Variants in ABTB3 observed in about 807,000 individuals in gnomAD.
ABTB3 encodes the protein ankyrin repeat and BTB domain containing 3.
chr12:107,574,977 T>C, the ABTB3 span, among the ~76,000 whole-genome samples: 1 of 152,314 alleles, frequency 6.6e-6, no homozygotes, highest in Middle Eastern at 3.4e-3. Flanking sequence ...ACCTCTACCA[T>C]CTTCCCGGCT....
At chr12:107,356,092 A>T in the ABTB3 span, among the ~76,000 whole-genome samples, 1 of 152,228 alleles carries the variant, frequency 6.6e-6, no homozygotes, top group Admixed American at 6.5e-5. Flanking sequence ...ATAACTCACA[A>T]TAAAAATGTT....
the ABTB3 span, among the ~76,000 whole-genome samples, chr12:107,537,227 G>A: frequency 1.3e-5 from 2 of 152,128 alleles, no homozygotes; most frequent in South Asian, 4.1e-4. Context: ...TAGAAGCCTG[G>A]AAGAGTAGCG....
At chr12:107,325,066 G>A in the ABTB3 span, among the ~76,000 whole-genome samples, 3 of 152,322 alleles carry the variant, frequency 2.0e-5, no homozygotes, top group South Asian at 2.1e-4. Context: ...GTAGGCACTC[G>A]ATAATAATGG....
the ABTB3 span, among the ~76,000 whole-genome samples, chr12:107,450,881 T>C: frequency 6.6e-6 from 1 of 152,272 alleles, no homozygotes; most frequent in African/African-American, 2.4e-5. Flanking sequence ...GGAAGTCTCT[T>C]CTGGCATGTG....
At chr12:107,585,949 G>T in the ABTB3 span, among the ~76,000 whole-genome samples, 2 of 152,184 alleles carry the variant, frequency 1.3e-5, no homozygotes, top group African/African-American at 4.8e-5. Flanking sequence ...CTTTTTCTGG[G>T]GTCAGGATAC....
chr12:107,554,197 T>G, the ABTB3 span, among the ~76,000 whole-genome samples: 1 of 152,240 alleles, frequency 6.6e-6, no homozygotes, highest in Admixed American at 6.5e-5. Flanking sequence ...TCTTTGATCC[T>G]AAATTGTTGC....
At chr12:107,605,432 G>A in the ABTB3 span, among the ~76,000 whole-genome samples, 1 of 152,236 alleles carries the variant, frequency 6.6e-6, no homozygotes, top group African/African-American at 2.4e-5. Flanking sequence ...GTCCTGCAGA[G>A]AGCCAGGGGA....
chr12:107,570,662 TTTC>T, the ABTB3 span, among the ~76,000 whole-genome samples: 1 of 152,288 alleles, frequency 6.6e-6, no homozygotes, highest in African/African-American at 2.4e-5. Flanking sequence ...TCCAAATACA[TTTC>T]TGATTTTGTA....
At chr12:107,590,871 G>T in the ABTB3 span, among the ~76,000 whole-genome samples, 2 of 152,092 alleles carry the variant, frequency 1.3e-5, no homozygotes, top group African/African-American at 4.8e-5. Context: ...GCCCACTCTT[G>T]AGTCTATTAA....
the ABTB3 span, among the ~76,000 whole-genome samples, chr12:107,515,615 T>A: frequency 2.1e-3 from 319 of 152,344 alleles, 2 homozygotes; most frequent in African/African-American, 7.2e-3. Context: ...ACTTAGCCTC[T>A]GACTTAATGT....
chr12:107,389,558 A>G, the ABTB3 span, among the ~76,000 whole-genome samples: 8 of 152,194 alleles, frequency 5.3e-5, no homozygotes, highest in Non-Finnish European at 1.2e-4. Flanking sequence ...GGCCTCCTCC[A>G]ACACTCCTGT....
At chr12:107,346,946 G>C in the ABTB3 span, among the ~76,000 whole-genome samples, 2 of 152,032 alleles carry the variant, frequency 1.3e-5, no homozygotes, top group Admixed American at 1.3e-4. Context: ...ACAAAACTGG[G>C]GTATTTTTAT....
At chr12:107,595,405 T>G in the ABTB3 span, among the ~76,000 whole-genome samples, 29 of 152,278 alleles carry the variant, frequency 1.9e-4, no homozygotes, top group Admixed American at 1.3e-3. Context: ...AAATGTGTAT[T>G]CAGAGTGGGA....
the ABTB3 span, among the ~76,000 whole-genome samples, chr12:107,574,115 A>G: frequency 4.7e-4 from 72 of 152,332 alleles, 1 homozygote; most frequent in East Asian, 0.014. Flanking sequence ...GGAAGACTAA[A>G]TGAGAATCCA....
At chr12:107,342,288 T>C in the ABTB3 span, among the ~76,000 whole-genome samples, 3 of 152,032 alleles carry the variant, frequency 2.0e-5, no homozygotes, top group Admixed American at 2.0e-4. Context: ...GCATGGATAC[T>C]GAAGCTTCCA....
the ABTB3 span, among the ~76,000 whole-genome samples, chr12:107,375,607 T>C: frequency 6.6e-6 from 1 of 152,210 alleles, no homozygotes; most frequent in African/African-American, 2.4e-5. Context: ...GTGGAGCCCT[T>C]AGCAGGTAGC....
At chr12:107,530,260 G>A in the ABTB3 span, among the ~76,000 whole-genome samples, 1 of 152,182 alleles carries the variant, frequency 6.6e-6, no homozygotes, top group Admixed American at 6.5e-5. Flanking sequence ...GGCTCCAAAT[G>A]ATTCTCTTCT....
At chr12:107,466,950 T>C in the ABTB3 span, among the ~76,000 whole-genome samples, 4 of 152,148 alleles carry the variant, frequency 2.6e-5, no homozygotes, top group Admixed American at 6.5e-5. Context: ...ATCGTCTTTC[T>C]GAAAGTCAAA....
the ABTB3 span, among the ~76,000 whole-genome samples, chr12:107,416,560 C>T: frequency 6.6e-6 from 1 of 152,202 alleles, no homozygotes; most frequent in Non-Finnish European, 1.5e-5. Flanking sequence ...TACTTCTTCT[C>T]TTTCCAGGAG....
Sources: allele counts gnomAD v4.1 joint callset (sites outside exome capture counted in the v4.1 genomes callset), GRCh38; gene constraint gnomAD v4.1.1; transcripts MANE v1.5; gene names NCBI Gene and HGNC (gene_info 2026-07-23, HGNC 2026-07-21).